The following PNLIPRP3 variants were observed in gnomAD, a reference collection of about 807,000 sequenced individuals.
PNLIPRP3 encodes pancreatic lipase-related protein 3.
Under a neutral mutation model 52.8 loss-of-function variants are expected in PNLIPRP3, and 58 were observed. The observed-to-expected ratio is 1.10, with a 90% confidence interval of 0.89 to 1.37. PNLIPRP3 has a LOEUF of 1.37. Ranked by LOEUF, PNLIPRP3 falls within the 40% of genes most tolerant of loss-of-function variation. The probability of loss-of-function intolerance (pLI) is 0.00; values close to 1 mark genes in which losing one functional copy is unlikely to be tolerated. For missense variants in PNLIPRP3, 593 were observed against 561.6 expected (o/e 1.06, Z -0.57); for synonymous variants, 192 against 185.0 (o/e 1.04, Z -0.31).
chr10:116,453,739 C>T (rs533962338), intron 4 of PNLIPRP3, among the ~76,000 whole-genome samples: 15 of 152,184 alleles, frequency 9.9e-5, no homozygotes, highest in African/African-American at 1.4e-4. Flanking sequence ...TTGCCTTCCC[C>T]GATGATTCTA....
intron 1 of PNLIPRP3, among the ~76,000 whole-genome samples, chr10:116,432,844 G>T (rs991938053): frequency 6.6e-6 from 1 of 151,998 alleles, no homozygotes; most frequent in Non-Finnish European, 1.5e-5. Flanking sequence ...GCCAGGCACG[G>T]TGGCTCATGC....
intron 5 of PNLIPRP3, among the ~76,000 whole-genome samples, chr10:116,458,238 GAC>G (rs1369657971): frequency 2.0e-5 from 3 of 152,042 alleles, no homozygotes; most frequent in Non-Finnish European, 4.4e-5. Context: ...TCATTTTGCT[GAC>G]ACACACGTAC....
chr10:116,444,301 T>C (rs2163487), intron 3 of PNLIPRP3, 81 bp from the exon 4 acceptor site: 17,284 of 1,239,866 alleles, frequency 0.014, 747 homozygotes, highest in African/African-American at 0.097. Context: ...GTATAATTTC[T>C]TATTATGGAA....
intron 2 of PNLIPRP3, among the ~76,000 whole-genome samples, chr10:116,442,632 G>C (rs1845874567): frequency 6.6e-6 from 1 of 152,150 alleles, no homozygotes; most frequent in Non-Finnish European, 1.5e-5. Flanking sequence ...GGGAGGCTGA[G>C]GTAGGAAGAT....
intron 2 of PNLIPRP3, among the ~76,000 whole-genome samples, chr10:116,440,892 G>T (rs1460680701): frequency 1.3e-5 from 2 of 152,086 alleles, no homozygotes; most frequent in Non-Finnish European, 2.9e-5. Flanking sequence ...TGCTAGAGAT[G>T]ATATCACTGG....
At chr10:116,473,476 A>C (rs1479010144) in intron 10 of PNLIPRP3, among the ~76,000 whole-genome samples, 2 of 152,172 alleles carry the variant, frequency 1.3e-5, no homozygotes, top group African/African-American at 4.8e-5. Context: ...TGTGCAACTC[A>C]CAAATAAATA....
chr10:116,450,426 T>C (rs761775193), intron 4 of PNLIPRP3, among the ~76,000 whole-genome samples: 23 of 152,098 alleles, frequency 1.5e-4, no homozygotes, highest in Non-Finnish European at 2.6e-4. Flanking sequence ...ATAAACTTAT[T>C]CTAAAGTTAG....
intron 10 of PNLIPRP3, among the ~76,000 whole-genome samples, chr10:116,475,147 G>A (rs1387841707): frequency 6.6e-6 from 1 of 152,182 alleles, no homozygotes; most frequent in Non-Finnish European, 1.5e-5. Context: ...CATGGATGGA[G>A]CTGGAGGCCA....
Position 116,439,546 on chromosome 10 carries a change from C to G in PNLIPRP3, c.204+2681C>G. 3.6e-6 allele frequency: 3 copies of G among 836,434 alleles called. 1 individual carries two copies. The South Asian group carries it at 4.1e-5, about 11-fold the overall frequency. The allele number at this position is 836,434 out of a possible 1,614,324, so 51.8% of individuals were successfully genotyped here. A position where few individuals can be genotyped will look rare whatever the true frequency, so the allele number is the denominator to read the frequency against. On this transcript the variant is annotated intron_variant, in intron 2 of 11. Transcript: ENST00000369230. ...CGGGCAACTTTAGCAGGACGCTTTG[C>G]GCCATCAAACTTTACTTTCGACTTA...
At chr10:116,447,604 A>T (rs527274114) in intron 4 of PNLIPRP3, among the ~76,000 whole-genome samples, 1 of 152,336 alleles carries the variant, frequency 6.6e-6, no homozygotes, top group African/African-American at 2.4e-5. Context: ...GATTAAAAAA[A>T]TATAAAAAGT....
intron 4 of PNLIPRP3, among the ~76,000 whole-genome samples, chr10:116,446,309 G>A (rs758519474): frequency 2.8e-5 from 4 of 140,700 alleles, no homozygotes; most frequent in Non-Finnish European, 4.5e-5. Context: ...TGGCGCCGCT[G>A]CACTCCAGCT....
At chr10:116,433,407 T>C (rs1845735311) in intron 1 of PNLIPRP3, among the ~76,000 whole-genome samples, 1 of 152,060 alleles carries the variant, frequency 6.6e-6, no homozygotes, top group African/African-American at 2.4e-5. Flanking sequence ...AAAGATCTCA[T>C]CCACAAAAGA....
At chr10:116,459,258 A>C (rs1351707693) in intron 5 of PNLIPRP3, among the ~76,000 whole-genome samples, 2 of 149,282 alleles carry the variant, frequency 1.3e-5, no homozygotes. Flanking sequence ...TCACTCTTTT[A>C]GTGATTATAT....
At chr10:116,428,215 T>C (rs754767819) in intron 1 of PNLIPRP3, among the ~76,000 whole-genome samples, 154 bp downstream of exon 1, 1 of 152,176 alleles carries the variant, frequency 6.6e-6, no homozygotes, top group African/African-American at 2.4e-5. Flanking sequence ...AAATATTGGC[T>C]GCTTATATTT....
At chr10:116,454,068 A>G (rs2133134276) in intron 4 of PNLIPRP3, among the ~76,000 whole-genome samples, 1 of 152,068 alleles carries the variant, frequency 6.6e-6, no homozygotes, top group East Asian at 1.9e-4. Context: ...GTTTGCTGAG[A>G]ATGATGGCTT....
At position 116,443,170 on chromosome 10, in the gene PNLIPRP3, G is replaced by C. The variant is rs1845882740; in HGVS notation, c.320G>C (p.Cys107Ser). ...KTDGKWQRDM[C>S]NVLLQLEDIN... ...GATGGCAAATGGCAGAGAGACATGT[G>C]CAATGTATGACATGAATAAGCTCCT... The change falls in exon 3 of 12, where the codon TGC becomes TCC. Residue 107 changes from cysteine (C) to serine (S), a missense_variant. Coordinates refer to ENST00000369230, the MANE Select transcript of PNLIPRP3 (RefSeq NM_001011709.3). 7 of 1,608,560 alleles carry C rather than the reference G, an allele frequency of 4.4e-6. No homozygotes were observed. The highest frequency in any genetic ancestry group is 5.9e-6 in the Non-Finnish European group (7 of 1,176,966).
intron 7 of PNLIPRP3, among the ~76,000 whole-genome samples, chr10:116,461,581 A>G (rs1203115295): frequency 6.6e-6 from 1 of 152,208 alleles, no homozygotes; most frequent in East Asian, 1.9e-4. Context: ...AGTGTTTACT[A>G]TGTGCTAGGC....
At chr10:116,454,057 A>G (rs79759171) in intron 4 of PNLIPRP3, among the ~76,000 whole-genome samples, 1,876 of 151,712 alleles carry the variant, frequency 0.012, 76 homozygotes, top group East Asian at 0.11. Flanking sequence ...TTCTGGTGTT[A>G]GTTTGCTGAG....
intron 4 of PNLIPRP3, among the ~76,000 whole-genome samples, chr10:116,446,873 C>G (rs1299195081): frequency 6.6e-6 from 1 of 152,184 alleles, no homozygotes; most frequent in Non-Finnish European, 1.5e-5. Flanking sequence ...CCCGCTTCAC[C>G]TTGTGGACAG....
Sources: allele counts gnomAD v4.1 joint callset (sites outside exome capture counted in the v4.1 genomes callset), GRCh38; gene constraint gnomAD v4.1.1; transcripts MANE v1.5; gene names NCBI Gene and HGNC (gene_info 2026-07-23, HGNC 2026-07-21).